The following ANKRD35 variants were observed in gnomAD, a reference collection of about 807,000 sequenced individuals.
The protein encoded by ANKRD35 is ankyrin repeat domain-containing protein 35.
A neutral mutation model predicts 109.9 loss-of-function variants in ANKRD35; 102 were observed. The ratio of observed to expected loss-of-function variants is 0.93; its 90% CI spans 0.79 to 1.09. The LOEUF (loss-of-function observed/expected upper bound fraction) is 1.09, where lower values mean the gene tolerates loss of function less well. Ranked by LOEUF, ANKRD35 falls within the 50% of genes least tolerant of loss-of-function variation. ANKRD35 has a pLI of 0.00. For synonymous variants in ANKRD35, 515 were observed against 512.4 expected, an observed-to-expected ratio of 1.01 and a Z score of -0.07; for missense variants, 1,240 against 1,230.1, an observed-to-expected ratio of 1.01 and a Z score of -0.12.
intron 10 of ANKRD35, among the ~76,000 whole-genome samples, chr1:145,868,919 C>T (rs1376887250): frequency 1.3e-5 from 2 of 152,118 alleles, no homozygotes; most frequent in African/African-American, 4.8e-5. Context: ...TATTGCTGCA[C>T]TTTTAAGTTT....
At chr1:145,870,903 G>A (rs374582848) in intron 10 of ANKRD35, among the ~76,000 whole-genome samples, 19 of 151,828 alleles carry the variant, frequency 1.3e-4, no homozygotes, top group African/African-American at 3.4e-4. Context: ...CACCATGCCC[G>A]GCCTTTTTAT....
At chr1:145,876,056 C>T in intron 7 of ANKRD35, 84 bp downstream of exon 7, 1 of 677,964 alleles carries the variant, frequency 1.5e-6, no homozygotes, top group Non-Finnish European at 2.2e-6. Flanking sequence ...CACACACAAA[C>T]ACACACACAC....
At position 145,872,203 on chromosome 1, in the gene ANKRD35, G is replaced by C. The variant is rs782663421; in HGVS notation, c.2566C>G (p.Leu856Val). ...AQAWGQELKALLEKYNTACRE... is the reference protein window; with the variant it reads ...AQAWGQELKAVLEKYNTACRE... ...CAGGCCGTATTATACTTTTCCAACAGAGCCTTTAGCTCCTGGCCCCAAGCC... is the reference window on the plus strand; with the variant it reads ...CAGGCCGTATTATACTTTTCCAACACAGCCTTTAGCTCCTGGCCCCAAGCC... The change falls in exon 10 of 14, where the codon CTG (leucine) becomes GTG (valine). Residue 856 changes from leucine (L) to valine (V), a missense_variant. Coordinates refer to ENST00000355594, the MANE Select transcript of ANKRD35 (RefSeq NM_144698.5). The C allele has an allele frequency of 6.8e-6, 11 of 1,609,102 alleles. No individual in the cohort carries two copies. The highest frequency in any genetic ancestry group is 9.3e-6 in the Non-Finnish European group (11 of 1,178,156).
chr1:145,869,146 A>G (rs1383403030), intron 10 of ANKRD35, among the ~76,000 whole-genome samples: 1 of 150,334 alleles, frequency 6.7e-6, no homozygotes, highest in Non-Finnish European at 1.5e-5. Context: ...TTCCGGGAGG[A>G]ACAATACTTC....
At chr1:145,876,525 C>A in intron 6 of ANKRD35, 44 bp downstream of exon 6, 1 of 1,610,422 alleles carries the variant, frequency 6.2e-7, no homozygotes, top group South Asian at 1.1e-5. Flanking sequence ...ACAGCAGCAG[C>A]CCTTCTGTGT....
chr1:145,882,123 T>G (rs1553741232), intron 1 of ANKRD35, among the ~76,000 whole-genome samples: 1 of 150,620 alleles, frequency 6.6e-6, no homozygotes, highest in Non-Finnish European at 1.5e-5. Context: ...CCCGGATAAT[T>G]TTTTGTATTT....
intron 1 of ANKRD35, among the ~76,000 whole-genome samples, chr1:145,881,655 T>C (rs1407481791): frequency 6.6e-6 from 1 of 152,160 alleles, no homozygotes; most frequent in Non-Finnish European, 1.5e-5. Flanking sequence ...GTTCTCGAAA[T>C]GTTTCAAGTC....
chr1:145,874,999 A>G lies in ANKRD35; in HGVS notation c.568T>C (p.Leu190=), dbSNP rs1553739811. ...CTGCCTTTCTCACAGGCCAGGATCA[A>G]AGCCGATCTGTGGGTTGAGACAAAT... The part of the protein sequence containing the change: ...NVTDKNDKSA[L]ILACEKGSAE... The change falls in exon 8 of 14, where the codon TTG becomes CTG. Residue 190 remains leucine, a synonymous_variant. Transcript: ENST00000355594. 6.2e-7 allele frequency: 1 copy of G among 1,601,242 alleles called. No individual in the cohort carries two copies. The highest frequency in any genetic ancestry group is 2.2e-5 in the East Asian group (1 of 44,680).
chr1:145,875,995 G>A, intron 7 of ANKRD35, 145 bp downstream of exon 7: 1 of 651,502 alleles, frequency 1.5e-6, no homozygotes, highest in South Asian at 2.1e-5. Flanking sequence ...CCTCCACTGG[G>A]AAGGAATGAG....
intron 1 of ANKRD35, among the ~76,000 whole-genome samples, chr1:145,882,296 CT>C (rs57073568): frequency 0.038 from 3,895 of 103,500 alleles, 110 homozygotes; most frequent in African/African-American, 0.12. Flanking sequence ...TCTTTCTTTC[CT>C]TTTTTTTTTT....
Position 145,872,596 on chromosome 1 carries a change from A to C in ANKRD35, c.2173T>G (p.Ser725Ala). 6.2e-7 allele frequency: 1 copy of C among 1,612,878 alleles called. No homozygotes were observed. The highest frequency in any genetic ancestry group is 8.5e-7 in the Non-Finnish European group (1 of 1,179,604). Reference sequence around the variant, plus strand: ...ATGCAGGCCCGCAGCTCCTCCAGGGACTCCGCTGCTTTGCTTTGTGCACTC... The same window carrying C: ...ATGCAGGCCCGCAGCTCCTCCAGGGCCTCCGCTGCTTTGCTTTGTGCACTC... ...ERSAQSKAAE[S>A]LEELRACIST... Residue 725 changes from serine to alanine, a missense_variant, in exon 10 of 14, where the codon TCC (serine) becomes GCC (alanine). Physicochemically the swap from Ser to Ala is moderately conservative, Grantham distance 99. Transcript: ENST00000355594.
intron 7 of ANKRD35, among the ~76,000 whole-genome samples, chr1:145,875,516 C>T (rs183101418): frequency 3.2e-4 from 49 of 151,922 alleles, no homozygotes; most frequent in Admixed American, 2.9e-3. Context: ...TGGATGAGCT[C>T]CATTTTTATC....
chr1:145,877,871 A>G, intron 4 of ANKRD35, 97 bp downstream of exon 4: 3 of 1,239,178 alleles, frequency 2.4e-6, no homozygotes, highest in Non-Finnish European at 3.5e-6. Flanking sequence ...AGGCGAGTAC[A>G]TTTGGCCAAC....
intron 1 of ANKRD35, among the ~76,000 whole-genome samples, chr1:145,882,974 TAGAG>T (rs1303714711): frequency 6.6e-6 from 1 of 151,472 alleles, no homozygotes. Flanking sequence ...CACCAGCAAG[TAGAG>T]AGAGAAGGAA....
rs138937699 is a variant in ANKRD35, at chr1:145,873,101, C to T, written c.1668G>A (p.Gln556=). ...CCTGGGAAGGAACCTCAGGTTTCAC[C>T]TGTAGTCCTGCCTTTGCCCATTCCA... ...ARLEWAKAGL[Q]VKPEVPSQES... The change falls in exon 10 of 14, where the codon CAG becomes CAA. Residue 556 remains glutamine, a synonymous_variant. Coordinates refer to ENST00000355594, the MANE Select transcript of ANKRD35 (RefSeq NM_144698.5). 2,269 of 1,613,820 alleles carry T rather than the reference C, an allele frequency of 1.4e-3. 5 individuals carry two copies. Among genetic ancestry groups the T allele is most frequent in the Non-Finnish European group, 1.7e-3 (2,003 of 1,179,908 alleles).
Position 145,872,818 on chromosome 1 carries a change from G to T in ANKRD35, c.1951C>A (p.Arg651=), listed in dbSNP as rs782466875. The change falls in exon 10 of 14, where the codon CGG becomes AGG. Residue 651 remains arginine (R), a synonymous_variant. Transcript: ENST00000355594. The part of the protein sequence containing the change: ...LQRELQSLSQ[R]LQREFVPKPQ... ...TTGGGCACAAACTCCCGCTGCAGCC[G>T]CTGGCTCAGGGACTGTAGCTCCCTC... is the stretch of plus-strand genomic sequence containing the variant. 7 of 1,614,006 alleles carry T rather than the reference G, an allele frequency of 4.3e-6. No homozygotes were observed. The South Asian group carries it at 4.4e-5, about 10-fold the overall frequency.
chr1:145,871,433 G>A (rs1653816490), intron 10 of ANKRD35, among the ~76,000 whole-genome samples: 1 of 151,928 alleles, frequency 6.6e-6, no homozygotes, highest in African/African-American at 2.4e-5. Flanking sequence ...AAAGTGCTGG[G>A]ATTACAGGCG....
At chr1:145,876,317 C>A in intron 6 of ANKRD35, 71 bp from the exon 7 acceptor site, 1 of 1,439,028 alleles carries the variant, frequency 6.9e-7, no homozygotes. Flanking sequence ...TACCGGCTCC[C>A]CTCCCCTCAC....
At position 145,872,491 on chromosome 1, in the gene ANKRD35, A is replaced by AC. The variant is rs1553738956; in HGVS notation, c.2277dup (p.Ser760ValfsTer6). On this transcript the variant is annotated frameshift_variant, in exon 10 of 14. Coordinates refer to ENST00000355594, the MANE Select transcript of ANKRD35 (RefSeq NM_144698.5). LOFTEE classifies it high-confidence loss of function. Reference sequence around the variant, plus strand: ...CCTGGCTCCCTACACGGGGACAAGGACCCCCGCAACTGCTGGTTTTCTTCT... The same window carrying AC: ...CCTGGCTCCCTACACGGGGACAAGGACCCCCCGCAACTGCTGGTTTTCTTCT... 1 of 1,581,088 alleles carries AC rather than the reference A, an allele frequency of 6.3e-7. No individual in the cohort carries two copies. Among genetic ancestry groups the AC allele is most frequent in the Non-Finnish European group, 8.6e-7 (1 of 1,166,254 alleles).
Sources: allele counts gnomAD v4.1 joint callset (sites outside exome capture counted in the v4.1 genomes callset), GRCh38; gene constraint gnomAD v4.1.1; transcripts MANE v1.5; gene names NCBI Gene and HGNC (gene_info 2026-07-23, HGNC 2026-07-21).